The following CTDSP1 variants were observed in gnomAD, a reference collection of about 807,000 sequenced individuals.
CTDSP1 encodes the protein CTD small phosphatase 1.
In CTDSP1, 15 loss-of-function variants were observed where a neutral mutation model predicts 32.5. The ratio of observed to expected loss-of-function variants is 0.46; its 90% confidence interval spans 0.31 to 0.71. The LOEUF (loss-of-function observed/expected upper bound fraction) is 0.71. CTDSP1 is among the 30% of genes least tolerant of loss of function. CTDSP1 has a pLI of 0.05. For synonymous variants in CTDSP1, 185 were observed against 145.4 expected (o/e 1.27, Z -1.96); for missense variants, 294 against 351.1 (o/e 0.84, Z 1.30).
chr2:218,404,226 A>G (rs114027370), intron 6 of CTDSP1, 71 bp from the exon 7 acceptor site: 55 of 1,573,878 alleles, frequency 3.5e-5, no homozygotes, highest in Non-Finnish European at 4.7e-5. Context: ...TAGTGGCTAC[A>G]TAGGGCTGGC....
Position 218,404,720 on chromosome 2 carries a change from T to C in CTDSP1, c.*295T>C. 1 of 332,506 alleles carries C rather than the reference T, an allele frequency of 3.0e-6. No individual in the cohort carries two copies. The highest frequency in any genetic ancestry group is 5.6e-5 in the South Asian group (1 of 17,912). 20.6% of individuals were successfully genotyped at this position (332,506 alleles called of 1,614,324 possible). A position where few individuals can be genotyped will look rare whatever the true frequency, so the allele number is the denominator to read the frequency against. ...TTCTGTCTCTGTCCATGCTGCCATG[T>C]TTCTCTGCTGCCAAATTGGGCCCCT... On this transcript the variant is annotated 3_prime_UTR_variant, in exon 7 of 7. Transcript: ENST00000273062.
In CTDSP1 at chr2:218,403,285, G is replaced by T. The variant is rs757967575; in HGVS notation, c.525G>T (p.Arg175=). The T allele has an allele frequency of 1.5e-5, 24 of 1,614,032 alleles. No homozygotes were observed. The highest frequency in any genetic ancestry group is 1.9e-5 in the Non-Finnish European group (23 of 1,179,926). The change falls in exon 6 of 7, where the codon CGG becomes CGT. Residue 175 remains arginine, a synonymous_variant. Transcript: ENST00000273062. Reference sequence around the variant, plus strand: ...ACAAATGGGGGGCCTTCCGGGCCCGGCTGTTTCGAGAGTCCTGCGTCTTCC... The same window carrying T: ...ACAAATGGGGGGCCTTCCGGGCCCGTCTGTTTCGAGAGTCCTGCGTCTTCC... ...LLDKWGAFRA[R]LFRESCVFHR...
chr2:218,397,897 C>T (rs1376394835), upstream of CTDSP1, among the ~76,000 whole-genome samples: 1 of 152,154 alleles, frequency 6.6e-6, no homozygotes, highest in Non-Finnish European at 1.5e-5. Context: ...AGTTAGGTCT[C>T]CCTGGGAAAA....
chr2:218,400,338 G>A (rs938172990), intron 1 of CTDSP1, 181 bp downstream of exon 1: 2 of 721,288 alleles, frequency 2.8e-6, no homozygotes, highest in South Asian at 3.0e-5. Context: ...CAGAGACGCG[G>A]GGCGGGGCCT....
chr2:218,398,781 C>A, upstream of CTDSP1: 1 of 221,786 alleles, frequency 4.5e-6, no homozygotes. Flanking sequence ...GGTGAACTTA[C>A]AAAATAGTAA....
At chr2:218,402,957 G>C in intron 4 of CTDSP1, 78 bp from the exon 5 acceptor site, 1 of 1,068,128 alleles carries the variant, frequency 9.4e-7, no homozygotes, top group Non-Finnish European at 1.4e-6. Flanking sequence ...CTGCCTCCCT[G>C]GCCCATGCCC....
At chr2:218,399,775 A>C (rs1697008099), upstream of CTDSP1, 4 of 1,060,288 alleles carry the variant, frequency 3.8e-6, no homozygotes, top group East Asian at 2.6e-4. Context: ...CGCCGGTCCC[A>C]GAAGTGGCGA....
intron 5 of CTDSP1, 51 bp from the exon 6 acceptor site, chr2:218,403,181 T>A (rs1697242683): frequency 6.2e-7 from 1 of 1,612,756 alleles, no homozygotes; most frequent in East Asian, 2.2e-5. Context: ...ACCTCCCGCA[T>A]GCAGCCCAAT....
intron 5 of CTDSP1, 51 bp downstream of exon 5, chr2:218,403,178 G>A (rs2227257): frequency 0.028 from 44,826 of 1,612,726 alleles, 785 homozygotes; most frequent in Non-Finnish European, 0.032. Flanking sequence ...CCTACCTCCC[G>A]CATGCAGCCC....
chr2:218,399,874 G>A lies in CTDSP1; in HGVS notation c.-217G>A. On this transcript the variant is annotated 5_prime_UTR_variant, in exon 1 of 7. Transcript: ENST00000273062. Reference sequence around the variant, plus strand: ...GCGCCTGGGTTCCATGTTTGCATCCGCCTCGCGGGAAGGAAACTCCATGTT... The same window carrying A: ...GCGCCTGGGTTCCATGTTTGCATCCACCTCGCGGGAAGGAAACTCCATGTT... 8.0e-7 allele frequency: 1 copy of A among 1,244,938 alleles called. No homozygotes were observed. The highest frequency in any genetic ancestry group is 1.0e-6 in the Non-Finnish European group (1 of 994,326). 77.1% of individuals were successfully genotyped at this position (1,244,938 alleles called of 1,614,324 possible).
intron 1 of CTDSP1, 164 bp from the exon 2 acceptor site, chr2:218,401,400 C>G (rs1202385533): frequency 2.8e-6 from 2 of 713,106 alleles, no homozygotes; most frequent in African/African-American, 3.6e-5. Context: ...GATTGTGGAG[C>G]CCTGACAGGG....
At chr2:218,397,584 C>A (rs2106345197), upstream of CTDSP1, among the ~76,000 whole-genome samples, 1 of 152,324 alleles carries the variant, frequency 6.6e-6, no homozygotes, top group East Asian at 1.9e-4. Context: ...CTTGCTGAAT[C>A]CCGTTCCTGC....
At position 218,400,240 on chromosome 2, in the gene CTDSP1, C is replaced by T. The variant is rs186986949; in HGVS notation, c.67+83C>T. On this transcript the variant is annotated intron_variant, in intron 1 of 6. Transcript: ENST00000273062. ...CCGGGATCTTCCCCAGGGGAGCCGCCGCCGCCGCCCCGGGCGGCCGCCTTA... is the reference window on the plus strand; with the variant it reads ...CCGGGATCTTCCCCAGGGGAGCCGCTGCCGCCGCCCCGGGCGGCCGCCTTA... The T allele has an allele frequency of 4.2e-4, 547 of 1,318,016 alleles. 6 individuals carry two copies. In the East Asian group the frequency reaches 0.012, roughly 28 times the overall value. 81.6% of individuals were successfully genotyped at this position (1,318,016 alleles called of 1,614,324 possible).
chr2:218,399,862 A>G (rs550968122), upstream of CTDSP1: 6 of 1,236,736 alleles, frequency 4.9e-6, no homozygotes, highest in Admixed American at 8.6e-5. Context: ...CCTGGGTTCC[A>G]TGTTTGCATC....
At chr2:218,403,167 A>G (rs781043176) in intron 5 of CTDSP1, 40 bp downstream of exon 5, 10 of 1,613,034 alleles carry the variant, frequency 6.2e-6, no homozygotes, top group Admixed American at 1.7e-5. Context: ...CTGCCCTCCT[A>G]CCTACCTCCC....
intron 1 of CTDSP1, chr2:218,400,448 A>G (rs1006710566): frequency 2.0e-5 from 10 of 495,982 alleles, no homozygotes; most frequent in African/African-American, 3.9e-5. Context: ...TGCGTGGTGC[A>G]TGGGCGCCCC....
upstream of CTDSP1, among the ~76,000 whole-genome samples, chr2:218,397,082 T>G (rs1311996863): frequency 6.6e-6 from 1 of 152,050 alleles, no homozygotes; most frequent in Non-Finnish European, 1.5e-5. Flanking sequence ...TGGGGGCACG[T>G]GTGTGCACAT....
intron 4 of CTDSP1, 93 bp from the exon 5 acceptor site, chr2:218,402,942 C>T (rs975690910): frequency 2.9e-5 from 26 of 902,954 alleles, no homozygotes; most frequent in Admixed American, 2.1e-4. Context: ...CCTTCCTGTG[C>T]GCCTCTGCCT....
Position 218,401,719 on chromosome 2 carries a change from G to T in CTDSP1, c.216+7G>T. The T allele has an allele frequency of 6.4e-7, 1 of 1,559,130 alleles. No homozygotes were observed. On this transcript the variant is annotated splice_region_variant and intron_variant, in intron 2 of 6. Coordinates refer to ENST00000273062, the MANE Select transcript of CTDSP1 (RefSeq NM_021198.3). ...GAATGGCGCCATCCCTAAGGTGCGT[G>T]GGGGCCAGGTGGGGCCACGGGGGCA...
Sources: allele counts gnomAD v4.1 joint callset (sites outside exome capture counted in the v4.1 genomes callset), GRCh38; gene constraint gnomAD v4.1.1; transcripts MANE v1.5; gene names NCBI Gene and HGNC (gene_info 2026-07-23, HGNC 2026-07-21).